Variants in CCSER2 observed in about 807,000 individuals in gnomAD.
CCSER2 encodes coiled-coil serine rich protein 2, also known as serine-rich coiled-coil domain-containing protein 2.
CCSER2 carries 46 observed loss-of-function variants against 92.3 expected under a neutral mutation model. The observed-to-expected ratio is 0.50, with a 90% confidence interval of 0.39 to 0.64. The LOEUF (loss-of-function observed/expected upper bound fraction) is 0.64, where lower values mean the gene tolerates loss of function less well. Ranked by LOEUF, CCSER2 falls within the 30% of genes least tolerant of loss-of-function variation. CCSER2 has a pLI of 0.00. For synonymous variants in CCSER2, 433 were observed against 431.4 expected, an observed-to-expected ratio of 1.00 and a Z score of -0.04; for missense variants, 1,244 against 1,238.9, an observed-to-expected ratio of 1.00 and a Z score of -0.06.
intron 1 of CCSER2, among the ~76,000 whole-genome samples, chr10:84,358,646 GTGTATATATATATACATATACATATA>G (rs1256763187): frequency 1.4e-5 from 2 of 147,204 alleles, no homozygotes; most frequent in Non-Finnish European, 3.0e-5. Context: ...ATGTATATAT[GTGTATATATATATACATATACATATA>G]TGTATATATA....
chr10:84,482,488 T>G (rs1847515647), intron 9 of CCSER2, among the ~76,000 whole-genome samples: 1 of 152,220 alleles, frequency 6.6e-6, no homozygotes, highest in Non-Finnish European at 1.5e-5. Flanking sequence ...TCTTAAAAAT[T>G]AGCATTATCT....
rs180724788 is a variant in CCSER2, at chr10:84,488,845, A to G, written c.2325+11181A>G. ...ATTGCGATGTTAGGGTGTCAATTTT[A>G]GATCTTTCCTGCTTTCTCTTGTGGG... On this transcript the variant is annotated intron_variant, in intron 9 of 9. Coordinates refer to ENST00000372088, the MANE Select transcript of CCSER2 (RefSeq NM_001284240.2). 9.9e-5 allele frequency among the ~76,000 whole-genome samples: 15 copies of G among 152,244 alleles called. No homozygotes were observed. In the South Asian group the frequency reaches 1.2e-3, roughly 13 times the overall value.
chr10:84,380,679 C>T (rs1374312595), intron 3 of CCSER2, among the ~76,000 whole-genome samples: 4 of 149,630 alleles, frequency 2.7e-5, no homozygotes, highest in Non-Finnish European at 4.4e-5. Context: ...TCCTTGGATT[C>T]TCTGTGTTCC....
intron 9 of CCSER2, among the ~76,000 whole-genome samples, chr10:84,483,984 TATATATATATATAA>T (rs1302074572): frequency 7.8e-5 from 9 of 115,502 alleles, no homozygotes; most frequent in African/African-American, 2.9e-4. Context: ...TATATATATA[TATATATATATATAA>T]TTTTTTTTTT....
At chr10:84,455,650 G>T in intron 6 of CCSER2, 1 of 669,150 alleles carries the variant, frequency 1.5e-6, no homozygotes, top group South Asian at 1.5e-5. Flanking sequence ...CCACAGAAAT[G>T]AGTTTCAGGA....
intron 1 of CCSER2, among the ~76,000 whole-genome samples, chr10:84,352,793 A>G (rs1844936767): frequency 6.6e-6 from 1 of 151,616 alleles, no homozygotes; most frequent in Non-Finnish European, 1.5e-5. Flanking sequence ...TTAAGATGCG[A>G]TAATTCTTTT....
chr10:84,499,784 T>C, intron 9 of CCSER2: 3 of 1,274,546 alleles, frequency 2.4e-6, no homozygotes, highest in Non-Finnish European at 3.4e-6. Flanking sequence ...TGCTCTGTGT[T>C]ATTTAAAAGT....
chr10:84,510,925 A>G (rs1849316298), intron 9 of CCSER2, among the ~76,000 whole-genome samples: 1 of 152,190 alleles, frequency 6.6e-6, no homozygotes, highest in South Asian at 2.1e-4. Flanking sequence ...TTTTGTTTTT[A>G]CAGTAGTGGA....
chr10:84,486,673 T>C (rs1304290259), intron 9 of CCSER2, among the ~76,000 whole-genome samples: 3 of 152,200 alleles, frequency 2.0e-5, no homozygotes, highest in African/African-American at 7.2e-5. Context: ...ATTGCAAAAA[T>C]TTTCTCCCCT....
intron 4 of CCSER2, among the ~76,000 whole-genome samples, chr10:84,425,419 G>A (rs1391567373): frequency 6.6e-6 from 1 of 152,120 alleles, no homozygotes; most frequent in Non-Finnish European, 1.5e-5. Context: ...AACTGATTAT[G>A]AGTGTTTAAA....
chr10:84,504,877 C>T (rs1485181173), intron 9 of CCSER2, among the ~76,000 whole-genome samples: 1 of 152,050 alleles, frequency 6.6e-6, no homozygotes, highest in African/African-American at 2.4e-5. Context: ...GTAATTTGCT[C>T]AGGGTAAGTG....
At chr10:84,456,011 C>T (rs993485128) in intron 6 of CCSER2, 2 of 532,356 alleles carry the variant, frequency 3.8e-6, no homozygotes, top group African/African-American at 2.0e-5. Flanking sequence ...TCTCCAGCAA[C>T]ACCTTTGCTT....
intron 3 of CCSER2, among the ~76,000 whole-genome samples, chr10:84,381,644 TG>T (rs1283981900): frequency 6.6e-6 from 1 of 151,926 alleles, no homozygotes; most frequent in African/African-American, 2.4e-5. Flanking sequence ...ACATCCACGG[TG>T]GGCCGGGCGC....
rs114291287 is a variant in CCSER2, at chr10:84,376,415, C to T, written c.1614+2600C>T. 2.8e-3 allele frequency among the ~76,000 whole-genome samples: 424 copies of T among 152,230 alleles called. 2 individuals carry two copies. Among genetic ancestry groups the T allele is most frequent in the African/African-American group, 9.3e-3 (386 of 41,566 alleles). On this transcript the variant is annotated intron_variant, in intron 3 of 9. Transcript: ENST00000372088. The stretch of plus-strand genomic sequence containing the variant: ...CAGTCATTCTCTTACTCTGCAATCA[C>T]TGTTGGTTTCGGTCACTATAAATTA...
chr10:84,340,402 A>G (rs1457657012), intron 1 of CCSER2, among the ~76,000 whole-genome samples: 2 of 152,196 alleles, frequency 1.3e-5, no homozygotes, highest in East Asian at 1.9e-4. Context: ...TAATTATCCA[A>G]TGTTGACCCA....
At chr10:84,340,894 A>G (rs749358023) in intron 1 of CCSER2, among the ~76,000 whole-genome samples, 1 of 152,144 alleles carries the variant, frequency 6.6e-6, no homozygotes, top group Admixed American at 6.5e-5. Flanking sequence ...AGGCTGAACA[A>G]GAGAAGGTCC....
intron 3 of CCSER2, among the ~76,000 whole-genome samples, chr10:84,377,602 T>C (rs901272335): frequency 2.0e-5 from 3 of 152,204 alleles, no homozygotes; most frequent in Admixed American, 6.5e-5. Context: ...CCAAGATTTC[T>C]GTAGCACTTC....
intron 5 of CCSER2, among the ~76,000 whole-genome samples, chr10:84,429,202 A>G (rs1323437007): frequency 6.6e-6 from 1 of 151,778 alleles, no homozygotes; most frequent in Non-Finnish European, 1.5e-5. Context: ...TGACCAGTGG[A>G]GTTATTTGGG....
At chr10:84,400,145 T>C (rs1842044398) in intron 3 of CCSER2, among the ~76,000 whole-genome samples, 2 of 151,976 alleles carry the variant, frequency 1.3e-5, no homozygotes, top group Admixed American at 6.6e-5. Context: ...TCTTATCAAA[T>C]GTGTGAATTG....
Sources: allele counts gnomAD v4.1 joint callset (sites outside exome capture counted in the v4.1 genomes callset), GRCh38; gene constraint gnomAD v4.1.1; transcripts MANE v1.5; gene names NCBI Gene and HGNC (gene_info 2026-07-23, HGNC 2026-07-21).